Variants in ITPKB observed in about 807,000 individuals in gnomAD.
ITPKB encodes inositol-trisphosphate 3-kinase B.
Under a neutral mutation model 69.4 loss-of-function variants are expected in ITPKB, and 13 were observed. That is an observed-to-expected ratio of 0.19 (90% CI 0.12 to 0.30). The LOEUF is 0.30. Among genes scored for constraint, ITPKB ranks in the 10% least tolerant of loss-of-function variants. The pLI, the probability that ITPKB is intolerant of heterozygous loss-of-function variation, is 1.00. For missense variants in ITPKB, 1,240 were observed against 1,250.5 expected (o/e 0.99, Z 0.13); for synonymous variants, 584 against 513.7 (o/e 1.14, Z -1.85).
Position 226,736,625 on chromosome 1 carries a change from C to T in ITPKB, c.834G>A (p.Arg278=), listed in dbSNP as rs1225810847. Residue 278 remains arginine, a synonymous_variant, in exon 2 of 8, where the codon AGG becomes AGA. Coordinates refer to ENST00000429204, the MANE Select transcript of ITPKB (RefSeq NM_002221.4). ...GSPTAMEIDK[R]GSPTPGTRSC... Reference sequence around the variant, plus strand: ...TCCGAGTTCCCGGGGTAGGAGAGCCCCTTTTGTCAATTTCCATAGCTGTGG... The same window carrying T: ...TCCGAGTTCCCGGGGTAGGAGAGCCTCTTTTGTCAATTTCCATAGCTGTGG... 1.2e-6 allele frequency: 2 copies of T among 1,613,658 alleles called. No individual in the cohort carries two copies. The highest frequency in any genetic ancestry group is 2.2e-5 in the South Asian group (2 of 91,090).
Position 226,653,370 on chromosome 1 carries a change from A to C in ITPKB, c.1933-4599T>G, listed in dbSNP as rs1047298483. Among the ~76,000 whole-genome samples the C allele has an allele frequency of 2.0e-5, 3 of 152,284 alleles. No homozygotes were observed. The East Asian group carries it at 5.8e-4, about 30-fold the overall frequency. On this transcript the variant is annotated intron_variant, in intron 2 of 7. Coordinates refer to ENST00000429204, the MANE Select transcript of ITPKB (RefSeq NM_002221.4). ...AGAGGCAGAAGACTGGGCAGGAAGG[A>C]CAAGAGCAAGATTCCTCCAGGGCGG...
intron 2 of ITPKB, among the ~76,000 whole-genome samples, chr1:226,701,614 A>C (rs1656641653): frequency 6.6e-6 from 1 of 150,760 alleles, no homozygotes; most frequent in Non-Finnish European, 1.5e-5. Context: ...AAAAAAAAAA[A>C]AAAAAAAAAA....
In ITPKB at chr1:226,647,232, G is replaced by A. The variant is rs2102745044; in HGVS notation, c.2181C>T (p.Asn727=). ...GDVVKDGERY[N]QMDDLLADFD... is the part of the protein sequence containing the mutation. ...AGTCGGCCAGCAGGTCGTCCATCTG[G>A]TTGTAGCGCTCCCCGTCCTTCACCA... is the stretch of plus-strand genomic sequence containing the variant. The change falls in exon 4 of 8, where the codon AAC becomes AAT. Residue 727 remains asparagine, a synonymous_variant. Coordinates refer to ENST00000429204, the MANE Select transcript of ITPKB (RefSeq NM_002221.4). 1 of 1,614,220 alleles carries A rather than the reference G, an allele frequency of 6.2e-7. No individual in the cohort carries two copies. Among genetic ancestry groups the A allele is most frequent in the East Asian group, 2.2e-5 (1 of 44,890 alleles).
At chr1:226,733,109 GGTGAGCAAGGGGGAACCTGT>G (rs1657641507) in intron 2 of ITPKB, among the ~76,000 whole-genome samples, 1 of 152,140 alleles carries the variant, frequency 6.6e-6, no homozygotes, top group Non-Finnish European at 1.5e-5. Flanking sequence ...GTGTGAGTGG[GGTGAGCAAGGGGGAACCTGT>G]GTGAGCATAG....
intron 2 of ITPKB, among the ~76,000 whole-genome samples, chr1:226,733,605 C>G (rs1417076551): frequency 1.3e-5 from 2 of 152,162 alleles, no homozygotes; most frequent in Non-Finnish European, 2.9e-5. Flanking sequence ...CCACTTCCCA[C>G]CAGTCTCATG....
At chr1:226,639,200 G>C (rs947370183) in intron 6 of ITPKB, among the ~76,000 whole-genome samples, 2 of 152,094 alleles carry the variant, frequency 1.3e-5, no homozygotes. Flanking sequence ...TGGAATTACA[G>C]GCATGCGCCA....
chr1:226,699,923 C>T (rs565013901), intron 2 of ITPKB, among the ~76,000 whole-genome samples: 2 of 152,120 alleles, frequency 1.3e-5, no homozygotes, highest in Non-Finnish European at 2.9e-5. Context: ...AGAGCTGGTC[C>T]AAGTCCCAAA....
At chr1:226,700,483 A>C (rs199771813) in intron 2 of ITPKB, among the ~76,000 whole-genome samples, 1,857 of 150,284 alleles carry the variant, frequency 0.012, 106 homozygotes, top group Admixed American at 0.07. Context: ...AAAAAAAAAA[A>C]AAAAAAAAAA....
intron 2 of ITPKB, among the ~76,000 whole-genome samples, chr1:226,726,886 C>T (rs1468419261): frequency 1.3e-5 from 2 of 152,170 alleles, no homozygotes. Context: ...GCTCAGCAAT[C>T]TGGGTCTCAG....
chr1:226,714,937 A>G (rs1015736567), intron 2 of ITPKB, among the ~76,000 whole-genome samples: 9 of 152,198 alleles, frequency 5.9e-5, no homozygotes, highest in Non-Finnish European at 1.0e-4. Context: ...AAATGGGGGG[A>G]GGTGCTACTG....
chr1:226,730,017 G>A (rs1178204478), intron 2 of ITPKB, among the ~76,000 whole-genome samples: 2 of 152,164 alleles, frequency 1.3e-5, no homozygotes, highest in Admixed American at 1.3e-4. Flanking sequence ...TTTACTCCTG[G>A]AAAAATGGAT....
intron 2 of ITPKB, among the ~76,000 whole-genome samples, chr1:226,677,309 T>C (rs920538996): frequency 2.0e-5 from 3 of 152,202 alleles, no homozygotes; most frequent in Admixed American, 2.0e-4. Flanking sequence ...TCTCTATTAT[T>C]AGCAACCCAG....
At chr1:226,672,319 G>C (rs776483173) in intron 2 of ITPKB, among the ~76,000 whole-genome samples, 1 of 152,186 alleles carries the variant, frequency 6.6e-6, no homozygotes, top group African/African-American at 2.4e-5. Context: ...ATGCTAAGTA[G>C]CCATAAAATG....
chr1:226,640,691 C>T (rs1411385372), intron 5 of ITPKB, among the ~76,000 whole-genome samples: 4 of 151,896 alleles, frequency 2.6e-5, no homozygotes, highest in Non-Finnish European at 5.9e-5. Context: ...GGAAAGCGAG[C>T]GTTAAGGAGA....
intron 2 of ITPKB, among the ~76,000 whole-genome samples, chr1:226,703,234 G>A (rs1453798524): frequency 6.6e-6 from 1 of 152,232 alleles, no homozygotes; most frequent in African/African-American, 2.4e-5. Context: ...CTACGCAGGA[G>A]AAAGACCGAG....
chr1:226,695,342 C>T (rs568751556), intron 2 of ITPKB, among the ~76,000 whole-genome samples: 182 of 152,254 alleles, frequency 1.2e-3, no homozygotes, highest in African/African-American at 4.1e-3. Flanking sequence ...TAGGCCAAAA[C>T]CAATAATAAA....
chr1:226,708,044 A>C (rs1379201716), intron 2 of ITPKB: 2 of 339,612 alleles, frequency 5.9e-6, no homozygotes, highest in Non-Finnish European at 1.1e-5. Context: ...GTAGTAGCTC[A>C]AAGTTCACAC....
chr1:226,638,976 T>C (rs922393087), intron 6 of ITPKB, among the ~76,000 whole-genome samples: 3 of 151,346 alleles, frequency 2.0e-5, no homozygotes, highest in Admixed American at 6.6e-5. Flanking sequence ...CACATCGCCT[T>C]CTTCTTTACT....
In ITPKB at chr1:226,725,731, G is replaced by A. The variant is rs150009057; in HGVS notation, c.1932+9796C>T. Reference sequence around the variant, plus strand: ...ACATCTGCATGCCCACTGACGAATGGGCAAACCACAGCCGGAGGAGGCTGC... The same window carrying A: ...ACATCTGCATGCCCACTGACGAATGAGCAAACCACAGCCGGAGGAGGCTGC... On this transcript the variant is annotated intron_variant, in intron 2 of 7. Transcript: ENST00000429204. Among the ~76,000 whole-genome samples, 582 of 152,282 alleles carry A rather than the reference G, an allele frequency of 3.8e-3. 5 individuals are homozygous for A. The highest frequency in any genetic ancestry group is 0.014 in the African/African-American group (562 of 41,552).
Sources: allele counts gnomAD v4.1 joint callset (sites outside exome capture counted in the v4.1 genomes callset), GRCh38; gene constraint gnomAD v4.1.1; transcripts MANE v1.5; gene names NCBI Gene and HGNC (gene_info 2026-07-23, HGNC 2026-07-21).